The following ATOSA variants were observed in gnomAD, a reference collection of about 807,000 sequenced individuals.
ATOSA encodes the protein atos homolog protein A.
At chr15:52,696,246 C>G in the ATOSA span, among the ~76,000 whole-genome samples, 1 of 152,052 alleles carries the variant, frequency 6.6e-6, no homozygotes, top group African/African-American at 2.4e-5. Flanking sequence ...CCTCAGTGAA[C>G]TCCTCTAGCC....
At chr15:52,588,131 CACTTGTGA>C in the ATOSA span, among the ~76,000 whole-genome samples, 4 of 152,184 alleles carry the variant, frequency 2.6e-5, no homozygotes, top group Non-Finnish European at 5.9e-5. Context: ...TCATCAGCAT[CACTTGTGA>C]ACTCGTTAGG....
the ATOSA span, among the ~76,000 whole-genome samples, chr15:52,677,235 A>G: frequency 6.6e-6 from 1 of 152,184 alleles, no homozygotes; most frequent in Non-Finnish European, 1.5e-5. Context: ...CCAGCCCCCT[A>G]CCAAATAAAA....
chr15:52,634,437 A>C, the ATOSA span, among the ~76,000 whole-genome samples: 1 of 152,160 alleles, frequency 6.6e-6, no homozygotes. Flanking sequence ...AAGATGGGAC[A>C]AATAAAATTG....
At chr15:52,654,855 T>G in the ATOSA span, among the ~76,000 whole-genome samples, 13 of 152,020 alleles carry the variant, frequency 8.6e-5, no homozygotes, top group Non-Finnish European at 1.9e-4. Context: ...AAAAAAGTAT[T>G]GCAGATAGAA....
chr15:52,649,901 T>C, the ATOSA span: 1 of 152,146 alleles, frequency 6.6e-6, no homozygotes, highest in African/African-American at 2.4e-5. Flanking sequence ...CTGAACACAA[T>C]GGCAAAGCCT....
the ATOSA span, chr15:52,613,665 A>G: frequency 4.3e-6 from 7 of 1,612,954 alleles, no homozygotes; most frequent in South Asian, 7.7e-5. Flanking sequence ...TCAACACAAG[A>G]TTCTCACCTG....
the ATOSA span, among the ~76,000 whole-genome samples, chr15:52,650,509 T>A: frequency 6.6e-6 from 1 of 152,200 alleles, no homozygotes; most frequent in African/African-American, 2.4e-5. Flanking sequence ...ACAAATGTTA[T>A]ATACATAGTA....
the ATOSA span, chr15:52,609,412 G>A: frequency 6.2e-7 from 1 of 1,613,832 alleles, no homozygotes. Context: ...GGGGATATGT[G>A]ATGCTGTTGG....
At chr15:52,589,189 T>G in the ATOSA span, among the ~76,000 whole-genome samples, 1 of 152,218 alleles carries the variant, frequency 6.6e-6, no homozygotes, top group Non-Finnish European at 1.5e-5. Context: ...AATGAAACTT[T>G]AACAATTTAT....
At chr15:52,585,502 T>A in the ATOSA span, among the ~76,000 whole-genome samples, 1 of 152,178 alleles carries the variant, frequency 6.6e-6, no homozygotes, top group Non-Finnish European at 1.5e-5. Flanking sequence ...CTTTTTCCTA[T>A]CTGAACATTT....
the ATOSA span, chr15:52,656,569 G>C: frequency 6.6e-6 from 1 of 152,076 alleles, no homozygotes; most frequent in African/African-American, 2.4e-5. Flanking sequence ...ACCTAGATTA[G>C]TTCCAGGAGC....
At chr15:52,600,261 G>C in the ATOSA span, 1 of 1,383,364 alleles carries the variant, frequency 7.2e-7, no homozygotes, top group Non-Finnish European at 1.0e-6. Context: ...ATCAGCAAAA[G>C]AACACATTAG....
the ATOSA span, among the ~76,000 whole-genome samples, chr15:52,620,073 G>C: frequency 6.6e-6 from 1 of 152,124 alleles, no homozygotes; most frequent in Non-Finnish European, 1.5e-5. Flanking sequence ...ATGCTCTTCT[G>C]GTTCTGGAGT....
At chr15:52,681,883 G>A in the ATOSA span, among the ~76,000 whole-genome samples, 362 of 152,290 alleles carry the variant, frequency 2.4e-3, no homozygotes, top group African/African-American at 8.5e-3. Context: ...GAGGATAACT[G>A]GTTTGCTCAC....
chr15:52,588,942 T>C, the ATOSA span, among the ~76,000 whole-genome samples: 1 of 152,256 alleles, frequency 6.6e-6, no homozygotes, highest in African/African-American at 2.4e-5. Context: ...GACGTCTCTC[T>C]GTTGGGTTCG....
the ATOSA span, among the ~76,000 whole-genome samples, chr15:52,635,192 A>T: frequency 1.3e-5 from 2 of 152,200 alleles, no homozygotes; most frequent in Non-Finnish European, 2.9e-5. Context: ...AAACACCCAC[A>T]ATTTTATCTG....
chr15:52,632,851 G>T, the ATOSA span, among the ~76,000 whole-genome samples: 2 of 152,090 alleles, frequency 1.3e-5, no homozygotes, highest in African/African-American at 4.8e-5. Flanking sequence ...CCCCCTTTAA[G>T]AAATGAAATG....
At chr15:52,692,804 C>T in the ATOSA span, among the ~76,000 whole-genome samples, 12 of 146,342 alleles carry the variant, frequency 8.2e-5, no homozygotes, top group Non-Finnish European at 1.8e-4. Context: ...GGACTACAGG[C>T]GTCAGCTATA....
the ATOSA span, among the ~76,000 whole-genome samples, chr15:52,623,158 C>CAA: frequency 5.1e-3 from 718 of 141,768 alleles, 7 homozygotes; most frequent in African/African-American, 0.017. Context: ...GACTCCGTGT[C>CAA]AAAAAAAAAA....
Sources: allele counts gnomAD v4.1 joint callset (sites outside exome capture counted in the v4.1 genomes callset), GRCh38; gene constraint gnomAD v4.1.1; transcripts MANE v1.5; gene names NCBI Gene and HGNC (gene_info 2026-07-23, HGNC 2026-07-21).